The following SYTL2 variants were observed in gnomAD, a reference collection of about 807,000 sequenced individuals.
SYTL2 encodes the protein synaptotagmin-like protein 2.
SYTL2 carries 165 observed loss-of-function variants against 198.7 expected under a neutral mutation model. That is an observed-to-expected ratio of 0.83 (90% confidence interval 0.73 to 0.94). The LOEUF is 0.94. Ranked by LOEUF, SYTL2 falls within the 40% of genes least tolerant of loss-of-function variation. The probability of loss-of-function intolerance (pLI) is 0.00; values close to 1 mark genes in which losing one functional copy is unlikely to be tolerated. For missense variants in SYTL2, 2,835 were observed against 2,582.8 expected, an observed-to-expected ratio of 1.10 and a Z score of -2.12; for synonymous variants, 966 against 917.7, an observed-to-expected ratio of 1.05 and a Z score of -0.95.
intron 17 of SYTL2, among the ~76,000 whole-genome samples, chr11:85,698,543 T>C (rs1411357018): frequency 6.6e-6 from 1 of 152,154 alleles, no homozygotes; most frequent in South Asian, 2.1e-4. Context: ...AGAGTAGTTA[T>C]ACTTTTTTTT....
intron 1 of SYTL2, among the ~76,000 whole-genome samples, chr11:85,801,177 G>T (rs2153648038): frequency 6.6e-6 from 1 of 152,294 alleles, no homozygotes; most frequent in South Asian, 2.1e-4. Context: ...AATAGTGCAT[G>T]CTAAGCACAA....
At chr11:85,781,453 C>G (rs1323321922) in intron 1 of SYTL2, among the ~76,000 whole-genome samples, 1 of 152,062 alleles carries the variant, frequency 6.6e-6, no homozygotes, top group Non-Finnish European at 1.5e-5. Flanking sequence ...TGCCCTGGCC[C>G]CTCCAAAATC....
chr11:85,737,963 C>T (rs1454521534), intron 4 of SYTL2, among the ~76,000 whole-genome samples: 1 of 152,174 alleles, frequency 6.6e-6, no homozygotes, highest in Admixed American at 6.5e-5. Flanking sequence ...ACAACCTGCT[C>T]AGACTTCCTG....
chr11:85,831,614 C>A, the SYTL2 span, among the ~76,000 whole-genome samples: 2 of 152,114 alleles, frequency 1.3e-5, no homozygotes, highest in African/African-American at 4.8e-5. Context: ...TCTAAAAACA[C>A]AAGAAAAATT....
At position 85,726,989 on chromosome 11, in the gene SYTL2, T is replaced by C. The variant is rs1340915626; in HGVS notation, c.2369A>G (p.Lys790Arg). 11 of 1,536,656 alleles carry C rather than the reference T, an allele frequency of 7.2e-6. 1 individual carries two copies. The highest frequency in any genetic ancestry group is 2.4e-5 in the South Asian group (2 of 84,062). Residue 790 changes from lysine to arginine, a missense_variant, in exon 8 of 20, where the codon AAA becomes AGA. Around this residue, in one of 3 missense-constraint regions of SYTL2, gnomAD observed 2,645 missense variants for 2,381.7 expected, o/e 1.11. Coordinates refer to ENST00000359152, the MANE Select transcript of SYTL2 (RefSeq NM_206927.4). ...AAAGGATATTCTGTCACTCACTCTT[T>C]TGTATTTCTCTCTCTGCACTTGGTT... is the stretch of plus-strand genomic sequence containing the variant. ...PKNQVQREKY[K>R]RVSDRISFWE... is the part of the protein sequence containing the mutation.
intron 1 of SYTL2, among the ~76,000 whole-genome samples, chr11:85,763,977 A>G (rs866577959): frequency 9.2e-5 from 14 of 152,358 alleles, no homozygotes; most frequent in African/African-American, 3.4e-4. Flanking sequence ...ATTTCCCTCC[A>G]GTGTACCAGC....
At position 85,800,344 on chromosome 11, in the gene SYTL2, T is replaced by C. The variant is rs115880857; in HGVS notation, c.-390+10610A>G. On this transcript the variant is annotated intron_variant, in intron 1 of 19. Coordinates refer to ENST00000359152, the MANE Select transcript of SYTL2 (RefSeq NM_206927.4). ...AGGCTGGAGTTCAGCAGCACAATCA[T>C]GGCTCACTGCACCCTTGATATCCCA... 4.1e-3 allele frequency among the ~76,000 whole-genome samples: 624 copies of C among 152,280 alleles called. 5 individuals are homozygous for C. The highest frequency in any genetic ancestry group is 0.014 in the African/African-American group (596 of 41,552).
the SYTL2 span, among the ~76,000 whole-genome samples, chr11:85,835,066 T>C: frequency 6.6e-6 from 1 of 152,154 alleles, no homozygotes; most frequent in African/African-American, 2.4e-5. Flanking sequence ...AGCCCTTAAA[T>C]GCATTTTTGG....
chr11:85,787,420 A>G (rs915043980), intron 1 of SYTL2, among the ~76,000 whole-genome samples: 3 of 152,172 alleles, frequency 2.0e-5, no homozygotes, highest in Non-Finnish European at 4.4e-5. Context: ...GGTTTTTTAT[A>G]AATAAGTAAC....
At chr11:85,818,614 C>A in the SYTL2 span, among the ~76,000 whole-genome samples, 1 of 151,998 alleles carries the variant, frequency 6.6e-6, no homozygotes, top group Admixed American at 6.6e-5. Flanking sequence ...ATCCACTTGC[C>A]TATAGTAAAA....
intron 13 of SYTL2, among the ~76,000 whole-genome samples, chr11:85,710,086 G>C (rs183810698): frequency 6.5e-4 from 99 of 152,302 alleles, no homozygotes; most frequent in African/African-American, 2.3e-3. Flanking sequence ...TTTTATGCTA[G>C]GTGGCATTCA....
intron 1 of SYTL2, among the ~76,000 whole-genome samples, chr11:85,770,472 G>A (rs1282679994): frequency 1.3e-5 from 2 of 152,086 alleles, no homozygotes; most frequent in South Asian, 2.1e-4. Flanking sequence ...GCCTTGACTC[G>A]AAAACCTTCC....
intron 4 of SYTL2, among the ~76,000 whole-genome samples, chr11:85,743,247 GTA>G (rs746435684): frequency 7.2e-5 from 11 of 152,186 alleles, no homozygotes; most frequent in Non-Finnish European, 1.5e-4. Flanking sequence ...AAAGGTTAAA[GTA>G]TAGGTAAGAA....
At chr11:85,836,261 AT>A in the SYTL2 span, among the ~76,000 whole-genome samples, 8 of 150,900 alleles carry the variant, frequency 5.3e-5, no homozygotes, top group Non-Finnish European at 7.4e-5. Flanking sequence ...TACCTTCCAA[AT>A]TTTTTTTTCT....
At chr11:85,761,154 CA>C (rs2092085170) in intron 1 of SYTL2, among the ~76,000 whole-genome samples, 1 of 151,886 alleles carries the variant, frequency 6.6e-6, no homozygotes, top group Admixed American at 6.6e-5. Flanking sequence ...TGGAAACAAT[CA>C]AACTAAATAA....
At chr11:85,811,815 T>C (rs1488232595), upstream of SYTL2, among the ~76,000 whole-genome samples, 1 of 152,098 alleles carries the variant, frequency 6.6e-6, no homozygotes, top group African/African-American at 2.4e-5. Flanking sequence ...AAATACAATA[T>C]TGTGGTCGGG....
the SYTL2 span, among the ~76,000 whole-genome samples, chr11:85,831,642 G>A: frequency 5.3e-5 from 8 of 152,144 alleles, no homozygotes; most frequent in Admixed American, 6.5e-5. Flanking sequence ...TGATGGATAC[G>A]TTTAGTACTT....
intron 1 of SYTL2, among the ~76,000 whole-genome samples, chr11:85,804,623 T>C (rs901273722): frequency 1.3e-5 from 2 of 152,220 alleles, no homozygotes; most frequent in Non-Finnish European, 2.9e-5. Flanking sequence ...TGGTACATAG[T>C]AAGTGCTCAA....
At chr11:85,708,212 TC>T in intron 14 of SYTL2, 1 of 387,972 alleles carries the variant, frequency 2.6e-6, no homozygotes, top group Non-Finnish European at 5.0e-6. Flanking sequence ...ATCTGTTTGT[TC>T]CCCTAGTTTG....
Sources: gnomAD v4.1 joint callset for allele counts (sites outside exome capture counted in the v4.1 genomes callset) on GRCh38, gnomAD v4.1.1 for gene constraint, gnomAD v4.1.1 regional missense constraint, MANE v1.5 for transcripts, NCBI Gene and HGNC (gene_info 2026-07-23, HGNC 2026-07-21) for gene names.